The following ECHS1 variants were observed in gnomAD, a reference collection of about 807,000 sequenced individuals.
The protein encoded by ECHS1 is enoyl-CoA hydratase, mitochondrial.
In ECHS1, 19 loss-of-function variants were observed where a neutral mutation model predicts 33.5. The observed-to-expected ratio is 0.57, with a 90% CI of 0.40 to 0.83. The LOEUF (loss-of-function observed/expected upper bound fraction) is 0.83. ECHS1 is among the 40% of genes least tolerant of loss of function. The pLI, the probability that ECHS1 is intolerant of heterozygous loss-of-function variation, is 0.00. For missense variants in ECHS1, 365 were observed against 381.3 expected, an observed-to-expected ratio of 0.96 and a Z score of 0.36; for synonymous variants, 158 against 146.6, an observed-to-expected ratio of 1.08 and a Z score of -0.56.
rs1450936633 is a variant in ECHS1, at chr10:133,362,933, C to T, written c.808G>A (p.Asp270Asn). 8.1e-6 allele frequency: 13 copies of T among 1,613,992 alleles called. No individual in the cohort carries two copies. The highest frequency in any genetic ancestry group is 1.0e-5 in the Non-Finnish European group (12 of 1,180,032). Residue 270 changes from aspartate (D) to asparagine (N), a missense_variant and splice_region_variant, in exon 8 of 8, where the codon GAT becomes AAT. By Grantham distance (23) the Asp-to-Asn change is conservative (BLOSUM62 1). Transcript: ENST00000368547. Reference protein sequence around the residue: ...KKLFYSTFATDDRKEGMTAFV... With the variant: ...KKLFYSTFATNDRKEGMTAFV... ...GCGGTCATCCCTTCTTTCCGGTCAT[C>T]CTGGCAGGAAAAGGAACAGAAACAG...
At chr10:133,368,477 T>A (rs1849061034) in intron 4 of ECHS1, among the ~76,000 whole-genome samples, 1 of 152,082 alleles carries the variant, frequency 6.6e-6, no homozygotes, top group African/African-American at 2.4e-5. Flanking sequence ...AGGGTGTTGC[T>A]TTTTGCCAAG....
chr10:133,372,554 G>T (rs1303584965), intron 1 of ECHS1, among the ~76,000 whole-genome samples: 7 of 152,124 alleles, frequency 4.6e-5, no homozygotes, highest in Admixed American at 6.5e-5. Flanking sequence ...GGAACACCCC[G>T]GATTTTTACA....
chr10:133,372,651 G>A (rs1849124185), intron 1 of ECHS1, among the ~76,000 whole-genome samples: 2 of 150,768 alleles, frequency 1.3e-5, no homozygotes, highest in African/African-American at 4.9e-5. Flanking sequence ...ACGTGGCCTG[G>A]TGAGAGTGGC....
intron 3 of ECHS1, among the ~76,000 whole-genome samples, chr10:133,369,593 A>G (rs1475640020): frequency 2.6e-5 from 4 of 152,234 alleles, no homozygotes; most frequent in African/African-American, 7.2e-5. Flanking sequence ...AAATAGTCCC[A>G]GGACACAGAG....
At chr10:133,371,939 G>T (rs1195163206) in intron 1 of ECHS1, among the ~76,000 whole-genome samples, 6 of 152,130 alleles carry the variant, frequency 3.9e-5, no homozygotes, top group African/African-American at 1.4e-4. Flanking sequence ...TGGGACTACG[G>T]TCACACACCA....
chr10:133,366,977 CTG>C lies in ECHS1; in HGVS notation c.529_530del (p.Gln177GlufsTer19). On this transcript the variant is annotated frameshift_variant, in exon 5 of 8. Coordinates refer to ENST00000368547, the MANE Select transcript of ECHS1 (RefSeq NM_004092.4). LOFTEE classifies it high-confidence loss of function. ...ACTTCCCAACAGCACGGGTGAGTCT[CTG>C]GGTGCCGCCCGCACCTGCAGGGAGG... ...IGTIPGAGGT[Q>X]RLTRAVGKSL... 1 of 1,611,866 alleles carries C rather than the reference CTG, an allele frequency of 6.2e-7. No homozygotes were observed. The highest frequency in any genetic ancestry group is 8.5e-7 in the Non-Finnish European group (1 of 1,179,828).
intron 2 of ECHS1, 34 bp from the exon 3 acceptor site, chr10:133,370,065 G>C (rs1194102918): frequency 6.2e-7 from 1 of 1,611,764 alleles, no homozygotes; most frequent in Non-Finnish European, 8.5e-7. Flanking sequence ...CCAGTTACCA[G>C]AGAGCAGAGA....
chr10:133,364,819 C>A (rs955771070), intron 6 of ECHS1, 94 bp from the exon 7 acceptor site: 9 of 995,266 alleles, frequency 9.0e-6, no homozygotes, highest in South Asian at 4.0e-5. Flanking sequence ...GACCCATGCA[C>A]AACTGTGCTT....
intron 1 of ECHS1, 97 bp downstream of exon 1, chr10:133,373,149 G>T: frequency 1.0e-6 from 1 of 1,002,738 alleles, no homozygotes; most frequent in Non-Finnish European, 1.3e-6. Context: ...GGGGATGCGG[G>T]GTCAGGTGGG....
At chr10:133,363,097 T>C (rs1387748915) in intron 7 of ECHS1, among the ~76,000 whole-genome samples, 164 bp from the exon 8 acceptor site, 3 of 152,166 alleles carry the variant, frequency 2.0e-5, no homozygotes, top group Non-Finnish European at 4.4e-5. Context: ...CAATCAGAGC[T>C]GGGCCTGGGC....
Position 133,370,466 on chromosome 10 carries a change from T to C in ECHS1, c.286+94A>G, listed in dbSNP as rs549187854. ...AGTCCCCAGTCGCATGCCTCTGCCA[T>C]CACAGAGGCGCAAATCTGTCTGGAG... On this transcript the variant is annotated intron_variant, in intron 2 of 7. Coordinates refer to ENST00000368547, the MANE Select transcript of ECHS1 (RefSeq NM_004092.4). 1,184 of 1,329,810 alleles carry C rather than the reference T, an allele frequency of 8.9e-4. 1 individual carries two copies. The highest frequency in any genetic ancestry group is 1.1e-3 in the Non-Finnish European group (1,104 of 1,005,198). The allele number at this position is 1,329,810 out of a possible 1,614,324, so 82.4% of individuals were successfully genotyped here. A position where few individuals can be genotyped will look rare whatever the true frequency, so the allele number is the denominator to read the frequency against.
Position 133,362,764 on chromosome 10 carries a change from C to T in ECHS1, c.*104G>A. On this transcript the variant is annotated 3_prime_UTR_variant, in exon 8 of 8. Transcript: ENST00000368547. ...GCAGCAATTGGAGAGGAACTGCACACCACGGACACTGCTCTTGAAAAGAGG... is the reference window on the plus strand; with the variant it reads ...GCAGCAATTGGAGAGGAACTGCACATCACGGACACTGCTCTTGAAAAGAGG... 2 of 1,338,108 alleles carry T rather than the reference C, an allele frequency of 1.5e-6. No homozygotes were observed. Among genetic ancestry groups the T allele is most frequent in the Non-Finnish European group, 2.1e-6 (2 of 931,336 alleles). The allele number at this position is 1,338,108 out of a possible 1,614,324, so 82.9% of individuals were successfully genotyped here.
chr10:133,367,427 G>A (rs1204943280), intron 4 of ECHS1, among the ~76,000 whole-genome samples: 1 of 151,386 alleles, frequency 6.6e-6, no homozygotes, highest in African/African-American at 2.5e-5. Flanking sequence ...ATAGGGTCAG[G>A]TGCTGAAGGC....
intron 5 of ECHS1, among the ~76,000 whole-genome samples, chr10:133,366,331 G>A (rs989409833): frequency 6.6e-6 from 1 of 152,364 alleles, no homozygotes; most frequent in Middle Eastern, 3.4e-3. Flanking sequence ...AGCTCCGACG[G>A]CAGAGGCGGC....
chr10:133,365,376 G>A (rs565775550), intron 6 of ECHS1, among the ~76,000 whole-genome samples: 9 of 152,370 alleles, frequency 5.9e-5, no homozygotes, highest in African/African-American at 1.9e-4. Flanking sequence ...TGCACTCAGA[G>A]AGGTTAGGGG....
Position 133,368,946 on chromosome 10 carries a change from T to C in ECHS1, c.491A>G (p.Glu164Gly). ...AGEKAQFAQPEILIGTIPGAG... is the reference protein window; with the variant it reads ...AGEKAQFAQPGILIGTIPGAG... The stretch of plus-strand genomic sequence containing the variant: ...ACCTGGGATGGTTCCTATTAAGATC[T>C]CCGGCTGTGCAAACTGGGCCTTCTC... Residue 164 changes from glutamate (E) to glycine (G), a missense_variant, in exon 4 of 8, where the codon GAG (glutamate) becomes GGG (glycine). Coordinates refer to ENST00000368547, the MANE Select transcript of ECHS1 (RefSeq NM_004092.4). 1 of 1,613,700 alleles carries C rather than the reference T, an allele frequency of 6.2e-7. No homozygotes were observed. The highest frequency in any genetic ancestry group is 8.5e-7 in the Non-Finnish European group (1 of 1,179,904).
chr10:133,371,145 C>G (rs535403985), intron 1 of ECHS1, among the ~76,000 whole-genome samples: 2 of 151,864 alleles, frequency 1.3e-5, no homozygotes, highest in Non-Finnish European at 2.9e-5. Context: ...GGTGTTGTGG[C>G]GGGCGCCTGT....
intron 4 of ECHS1, among the ~76,000 whole-genome samples, chr10:133,368,229 TAGA>T (rs1849057697): frequency 6.6e-6 from 1 of 152,124 alleles, no homozygotes; most frequent in African/African-American, 2.4e-5. Flanking sequence ...GTCAACATAT[TAGA>T]AGCTTATAGG....
chr10:133,372,801 C>T (rs1175900131), intron 1 of ECHS1, among the ~76,000 whole-genome samples: 2 of 46,318 alleles, frequency 4.3e-5, no homozygotes, highest in Middle Eastern at 0.012. Flanking sequence ...CAGCACTAGG[C>T]GAGGGGGGTG....
Sources: gnomAD v4.1 joint callset for allele counts (sites outside exome capture counted in the v4.1 genomes callset) on GRCh38, gnomAD v4.1.1 for gene constraint, MANE v1.5 for transcripts, NCBI Gene and HGNC (gene_info 2026-07-23, HGNC 2026-07-21) for gene names.